Variants in RAPGEF1 observed in about 807,000 individuals in gnomAD.
RAPGEF1 encodes the protein CRK SH3-binding GNRP.
Under a neutral mutation model 143.3 loss-of-function variants are expected in RAPGEF1, and 33 were observed. The ratio of observed to expected loss-of-function variants is 0.23; its 90% CI spans 0.17 to 0.31. RAPGEF1 has a LOEUF of 0.31. RAPGEF1 is among the 10% of genes least tolerant of loss of function. The pLI, the probability that RAPGEF1 is intolerant of heterozygous loss-of-function variation, is 1.00. For synonymous variants in RAPGEF1, 629 were observed against 676.5 expected, an observed-to-expected ratio of 0.93 and a Z score of 1.09; for missense variants, 1,199 against 1,645.4, an observed-to-expected ratio of 0.73 and a Z score of 4.69.
intron 25 of RAPGEF1, among the ~76,000 whole-genome samples, chr9:131,582,293 T>C (rs1288097534): frequency 6.6e-6 from 1 of 151,958 alleles, no homozygotes; most frequent in South Asian, 2.1e-4. Flanking sequence ...TGGCTGCACA[T>C]GCTCACGGGC....
chr9:131,648,309 T>C (rs1029196096), intron 3 of RAPGEF1, among the ~76,000 whole-genome samples: 3 of 152,172 alleles, frequency 2.0e-5, no homozygotes, highest in Non-Finnish European at 4.4e-5. Flanking sequence ...GAGAATTGCT[T>C]GAGCCTGGGA....
chr9:131,625,828 C>A, intron 10 of RAPGEF1, 94 bp downstream of exon 10: 1 of 1,447,660 alleles, frequency 6.9e-7, no homozygotes, highest in Non-Finnish European at 9.3e-7. Flanking sequence ...ATAATGAGGC[C>A]ACTGATTTGA....
intron 1 of RAPGEF1, among the ~76,000 whole-genome samples, chr9:131,719,122 C>T (rs996821973): frequency 7.2e-5 from 11 of 152,098 alleles, no homozygotes; most frequent in African/African-American, 2.7e-4. Context: ...GCACATGCCA[C>T]GGTGCTTGGC....
intron 1 of RAPGEF1, among the ~76,000 whole-genome samples, chr9:131,732,657 T>C (rs1393893763): frequency 6.6e-6 from 1 of 151,954 alleles, no homozygotes; most frequent in East Asian, 1.9e-4. Context: ...GATCAGATAT[T>C]GGTCCTACTA....
intron 1 of RAPGEF1, among the ~76,000 whole-genome samples, chr9:131,729,094 A>C (rs948395639): frequency 6.6e-6 from 1 of 152,212 alleles, no homozygotes; most frequent in Non-Finnish European, 1.5e-5. Context: ...ATGGAAAGAC[A>C]GGGTTGGGGA....
At chr9:131,710,109 G>A (rs1835402181) in intron 1 of RAPGEF1, 3 of 286,232 alleles carry the variant, frequency 1.0e-5, no homozygotes, top group Non-Finnish European at 1.0e-5. Flanking sequence ...AGTCATAAAT[G>A]AACCATTCTG....
At chr9:131,737,381 G>T (rs374832882) in intron 1 of RAPGEF1, 5 of 1,613,342 alleles carry the variant, frequency 3.1e-6, no homozygotes, top group Middle Eastern at 1.6e-4. Flanking sequence ...CCTCATTCCC[G>T]CACTCATGAC....
intron 12 of RAPGEF1, among the ~76,000 whole-genome samples, chr9:131,609,907 C>G (rs1957759520): frequency 6.6e-6 from 1 of 152,084 alleles, no homozygotes; most frequent in African/African-American, 2.4e-5. Context: ...TTCTTCCTTT[C>G]TTTTTTTGAG....
At chr9:131,640,176 C>CTGCTGG (rs1421684603) in intron 4 of RAPGEF1, among the ~76,000 whole-genome samples, 4 of 152,204 alleles carry the variant, frequency 2.6e-5, no homozygotes, top group Non-Finnish European at 5.9e-5. Context: ...GGGGTTGGAC[C>CTGCTGG]AGAGCTGATC....
chr9:131,654,689 C>CA, intron 1 of RAPGEF1, among the ~76,000 whole-genome samples: 1 of 152,192 alleles, frequency 6.6e-6, no homozygotes, highest in Admixed American at 6.5e-5. Flanking sequence ...GACCCTGTCT[C>CA]AAAAAAATAA....
intron 20 of RAPGEF1, 87 bp downstream of exon 20, chr9:131,588,714 G>T: frequency 7.3e-7 from 1 of 1,365,284 alleles, no homozygotes; most frequent in Non-Finnish European, 9.9e-7. Flanking sequence ...ACCAGGATGG[G>T]GCTGTGGGGC....
At chr9:131,611,040 A>G (rs552035435) in intron 12 of RAPGEF1, among the ~76,000 whole-genome samples, 2 of 152,208 alleles carry the variant, frequency 1.3e-5, no homozygotes, top group Non-Finnish European at 2.9e-5. Context: ...GCCCAGGGGC[A>G]ACTCCTTTTC....
At chr9:131,613,673 C>T (rs940480477) in intron 12 of RAPGEF1, among the ~76,000 whole-genome samples, 2 of 152,172 alleles carry the variant, frequency 1.3e-5, no homozygotes, top group East Asian at 3.9e-4. Context: ...TGCTATGTGC[C>T]AGGCATGGGG....
chr9:131,725,651 C>T (rs2131305142), intron 1 of RAPGEF1, among the ~76,000 whole-genome samples: 1 of 152,174 alleles, frequency 6.6e-6, no homozygotes, highest in East Asian at 1.9e-4. Context: ...TTGCACTTCC[C>T]TAATGATCAG....
chr9:131,696,156 C>T (rs1402507515), intron 1 of RAPGEF1, among the ~76,000 whole-genome samples: 3 of 152,268 alleles, frequency 2.0e-5, no homozygotes, highest in Non-Finnish European at 4.4e-5. Context: ...GACAGGCTGG[C>T]GGAAGCTACA....
chr9:131,658,612 G>A (rs982940808), intron 1 of RAPGEF1, among the ~76,000 whole-genome samples: 20 of 152,092 alleles, frequency 1.3e-4, no homozygotes, highest in African/African-American at 4.6e-4. Flanking sequence ...GGCAACCATC[G>A]CAGGCTACAG....
At chr9:131,731,533 C>G in intron 1 of RAPGEF1, among the ~76,000 whole-genome samples, 1 of 152,344 alleles carries the variant, frequency 6.6e-6, no homozygotes, top group East Asian at 1.9e-4. Flanking sequence ...TCTTCTCATT[C>G]CATGTCCTTC....
chr9:131,598,938 C>T (rs1955783539), intron 15 of RAPGEF1, among the ~76,000 whole-genome samples: 1 of 151,288 alleles, frequency 6.6e-6, no homozygotes, highest in African/African-American at 2.4e-5. Flanking sequence ...GATTCTCCTG[C>T]CTCAGCCTCC....
chr9:131,586,807 C>CTT (rs1953033578), intron 22 of RAPGEF1, among the ~76,000 whole-genome samples: 1 of 127,450 alleles, frequency 7.8e-6, no homozygotes. Flanking sequence ...CACACACACA[C>CTT]ACACACACAC....
Sources: gnomAD v4.1 joint callset for allele counts (sites outside exome capture counted in the v4.1 genomes callset) on GRCh38, gnomAD v4.1.1 for gene constraint, MANE v1.5 for transcripts, NCBI Gene and HGNC (gene_info 2026-07-23, HGNC 2026-07-21) for gene names.